The following FAM227B variants were observed in gnomAD, a reference collection of about 807,000 sequenced individuals.
FAM227B encodes the protein protein FAM227B.
A neutral mutation model predicts 73.8 loss-of-function variants in FAM227B; 88 were observed. The ratio of observed to expected loss-of-function variants is 1.19; its 90% confidence interval spans 1.00 to 1.42. FAM227B has a LOEUF of 1.42. FAM227B is among the 40% of genes most tolerant of loss of function. FAM227B has a pLI of 0.00. For missense variants in FAM227B, 632 were observed against 590.9 expected, an observed-to-expected ratio of 1.07 and a Z score of -0.72; for synonymous variants, 210 against 190.5, an observed-to-expected ratio of 1.10 and a Z score of -0.84.
chr15:49,448,968 A>T (rs1183531232), intron 11 of FAM227B, among the ~76,000 whole-genome samples: 4 of 151,912 alleles, frequency 2.6e-5, no homozygotes, highest in South Asian at 4.1e-4. Context: ...TTTTTTTTGC[A>T]TATGAATAAT....
intron 10 of FAM227B, among the ~76,000 whole-genome samples, chr15:49,516,377 TA>T (rs1179135352): frequency 6.6e-6 from 1 of 152,056 alleles, no homozygotes; most frequent in South Asian, 2.1e-4. Flanking sequence ...TACTTGATTT[TA>T]TGGCAAAGTA....
chr15:49,485,532 ACAAAACT>A (rs1305972223), intron 11 of FAM227B: 2 of 152,492 alleles, frequency 1.3e-5, no homozygotes, highest in Admixed American at 6.6e-5. Flanking sequence ...TAAAGGAATA[ACAAAACT>A]GTCTGGCTCA....
chr15:49,512,416 T>C (rs545436613), intron 10 of FAM227B, among the ~76,000 whole-genome samples: 1 of 152,254 alleles, frequency 6.6e-6, no homozygotes, highest in South Asian at 2.1e-4. Context: ...TCGCTTCTTC[T>C]ATTAATTACT....
intron 11 of FAM227B, among the ~76,000 whole-genome samples, chr15:49,443,472 A>G (rs919228291): frequency 4.0e-5 from 6 of 151,656 alleles, no homozygotes; most frequent in African/African-American, 1.5e-4. Context: ...TTGATTCACT[A>G]TTTTGTTGAT....
intron 11 of FAM227B, among the ~76,000 whole-genome samples, chr15:49,377,576 C>T (rs1009305957): frequency 3.3e-5 from 5 of 151,932 alleles, no homozygotes; most frequent in Non-Finnish European, 4.4e-5. Context: ...GATGGTATCT[C>T]GCAGTTTTGA....
intron 10 of FAM227B, among the ~76,000 whole-genome samples, chr15:49,512,712 A>T (rs1165159239): frequency 2.0e-5 from 3 of 151,978 alleles, no homozygotes; most frequent in African/African-American, 4.8e-5. Flanking sequence ...CCCTGCATGC[A>T]TTAGCTATTT....
intron 11 of FAM227B, among the ~76,000 whole-genome samples, chr15:49,459,279 T>C (rs1350625791): frequency 1.3e-5 from 2 of 152,150 alleles, no homozygotes; most frequent in East Asian, 1.9e-4. Context: ...AGGCTCCCAA[T>C]AGGTTCTCTG....
intron 11 of FAM227B, among the ~76,000 whole-genome samples, chr15:49,496,148 T>C (rs1454088451): frequency 1.3e-5 from 2 of 152,190 alleles, no homozygotes; most frequent in Non-Finnish European, 2.9e-5. Context: ...TTGCTAAATA[T>C]CACCTAGTAC....
chr15:49,470,097 G>C (rs558174774), intron 11 of FAM227B, among the ~76,000 whole-genome samples: 1 of 152,122 alleles, frequency 6.6e-6, no homozygotes, highest in African/African-American at 2.4e-5. Context: ...TTCTAATGTT[G>C]CTCCATCTTT....
At chr15:49,570,345 C>A (rs370143497) in intron 8 of FAM227B, among the ~76,000 whole-genome samples, 1 of 151,830 alleles carries the variant, frequency 6.6e-6, no homozygotes, top group Non-Finnish European at 1.5e-5. Context: ...ACACATCAAA[C>A]AGTTGTGTGA....
intron 4 of FAM227B, among the ~76,000 whole-genome samples, chr15:49,588,597 AT>A (rs2076332500): frequency 1.0e-5 from 1 of 96,820 alleles, no homozygotes; most frequent in African/African-American, 3.7e-5. Context: ...ATATATATAT[AT>A]ATAAAATTAC....
rs200614105 is a variant in FAM227B, at chr15:49,457,959, T to C, written c.1012+50252A>G. The stretch of plus-strand genomic sequence containing the variant: ...ATTAAGCCTTTACTGATGTTATTTA[T>C]CTTTCGTTAGGCATCACTTTCTTGA... On this transcript the variant is annotated intron_variant, in intron 11 of 15. Coordinates refer to ENST00000299338, the MANE Select transcript of FAM227B (RefSeq NM_152647.3). Among the ~76,000 whole-genome samples, 10 of 152,114 alleles carry C rather than the reference T, an allele frequency of 6.6e-5. No homozygotes were observed. In the East Asian group the frequency reaches 1.9e-3, roughly 29 times the overall value.
At chr15:49,402,088 C>A (rs2048202027) in intron 11 of FAM227B, among the ~76,000 whole-genome samples, 1 of 152,154 alleles carries the variant, frequency 6.6e-6, no homozygotes, top group African/African-American at 2.4e-5. Context: ...CTCAGTCCCT[C>A]TTCCTAAATG....
intron 8 of FAM227B, among the ~76,000 whole-genome samples, chr15:49,571,862 C>T (rs2075129357): frequency 6.6e-6 from 1 of 151,816 alleles, no homozygotes; most frequent in Non-Finnish European, 1.5e-5. Context: ...AATTTTAGGA[C>T]TGTTTTCTTC....
chr15:49,494,784 TAAGCACTCAGTAAATATATTTAA>T (rs2057454385), intron 11 of FAM227B, among the ~76,000 whole-genome samples: 1 of 152,178 alleles, frequency 6.6e-6, no homozygotes, highest in Non-Finnish European at 1.5e-5. Context: ...GAGCAGCTGT[TAAGCACTCAGTAAATATATTTAA>T]TACTCAGGAA....
chr15:49,345,495 C>T (rs2041343603), intron 13 of FAM227B, among the ~76,000 whole-genome samples: 1 of 152,164 alleles, frequency 6.6e-6, no homozygotes, highest in Non-Finnish European at 1.5e-5. Flanking sequence ...ACACTTATAA[C>T]TATAAATTTT....
chr15:49,508,337 G>T lies in FAM227B; in HGVS notation c.886C>A (p.Gln296Lys), dbSNP rs756019089. ...IFLWCSGLKP[Q>K]KGFWIHWKLK... ...TTCCAGTGGATCCAAAAGCCTTTTT[G>T]AGGTTTTAAACCTGTTAATATAAAA... The change falls in exon 11 of 16, where the codon CAA becomes AAA. Residue 296 changes from glutamine (Q) to lysine (K), a missense_variant. Gln to Lys is a moderately conservative substitution (Grantham distance 53). Coordinates refer to ENST00000299338, the MANE Select transcript of FAM227B (RefSeq NM_152647.3). The T allele has an allele frequency of 6.3e-7, 1 of 1,597,676 alleles. No homozygotes were observed. Among genetic ancestry groups the T allele is most frequent in the African/African-American group, 1.4e-5 (1 of 73,688 alleles).
chr15:49,464,392 T>A (rs1567327510), intron 11 of FAM227B, among the ~76,000 whole-genome samples: 1 of 152,216 alleles, frequency 6.6e-6, no homozygotes, highest in African/African-American at 2.4e-5. Flanking sequence ...TCTAAAATGA[T>A]CCAACTTAGT....
chr15:49,379,006 G>C (rs1019656679), intron 11 of FAM227B, among the ~76,000 whole-genome samples: 3 of 151,922 alleles, frequency 2.0e-5, no homozygotes, highest in Non-Finnish European at 2.9e-5. Flanking sequence ...TATCTTGAAG[G>C]GATGTTAAAC....
Sources: allele counts gnomAD v4.1 joint callset (sites outside exome capture counted in the v4.1 genomes callset), GRCh38; gene constraint gnomAD v4.1.1; transcripts MANE v1.5; gene names NCBI Gene and HGNC (gene_info 2026-07-23, HGNC 2026-07-21).